The following WDR1 variants were observed in gnomAD, a reference collection of about 807,000 sequenced individuals.
WDR1 encodes WD repeat-containing protein 1.
WDR1 carries 21 observed loss-of-function variants against 71.9 expected under a neutral mutation model. That is an observed-to-expected ratio of 0.29 (90% confidence interval 0.21 to 0.42). WDR1 has a LOEUF of 0.42. Ranked by LOEUF, WDR1 falls within the 10% of genes least tolerant of loss-of-function variation. WDR1 has a pLI of 1.00. For missense variants in WDR1, 696 were observed against 824.5 expected, an observed-to-expected ratio of 0.84 and a Z score of 1.91; for synonymous variants, 424 against 347.4, an observed-to-expected ratio of 1.22 and a Z score of -2.45.
rs569488710 is a variant in WDR1, at chr4:10,095,379, C to G, written c.558+2332G>C. Among the ~76,000 whole-genome samples, 18 of 152,348 alleles carry G rather than the reference C, an allele frequency of 1.2e-4. No individual in the cohort carries two copies. The East Asian group carries it at 3.1e-3, about 26-fold the overall frequency. ...ATTAATTCCTGAGAACTTCCACATC[C>G]CAGGCTTTCCGACCACATCAGAAGA... On this transcript the variant is annotated intron_variant, in intron 5 of 14. Transcript: ENST00000499869.
At position 10,081,676 on chromosome 4, in the gene WDR1, AG is replaced by A. The variant is rs1258740889; in HGVS notation, c.1197-233del. On this transcript the variant is annotated intron_variant, in intron 10 of 14. Transcript: ENST00000499869. ...CCCGGGGAGGGGTGGGGGGGGGGGA[AG>A]GAGGGGCGGGAGGCGGTGAAAGGCG... 5.8e-4 allele frequency among the ~76,000 whole-genome samples: 6 copies of A among 10,322 alleles called. No homozygotes were observed. In the Admixed American group the frequency reaches 7.6e-3, roughly 13 times the overall value. 6.8% of individuals were successfully genotyped at this position (10,322 alleles called of 152,430 possible).
intron 2 of WDR1, among the ~76,000 whole-genome samples, chr4:10,114,456 T>C (rs1713584008): frequency 1.3e-5 from 2 of 152,166 alleles, no homozygotes; most frequent in African/African-American, 4.8e-5. Context: ...AAAGAGATGC[T>C]ACAGTTTAAG....
chr4:10,104,683 C>T (rs1419968849), intron 2 of WDR1, among the ~76,000 whole-genome samples: 3 of 152,196 alleles, frequency 2.0e-5, no homozygotes, highest in South Asian at 2.1e-4. Flanking sequence ...TACACACACA[C>T]GCAGGGCCTC....
chr4:10,090,424 G>A (rs1439118355), intron 5 of WDR1, among the ~76,000 whole-genome samples: 1 of 152,204 alleles, frequency 6.6e-6, no homozygotes, highest in Non-Finnish European at 1.5e-5. Context: ...AGAAGATACA[G>A]ACACCGTTCA....
chr4:10,094,426 G>A (rs979559815), intron 5 of WDR1, among the ~76,000 whole-genome samples: 1 of 152,174 alleles, frequency 6.6e-6, no homozygotes. Flanking sequence ...AAACTCAGTG[G>A]GGCCTTTAAA....
intron 8 of WDR1, among the ~76,000 whole-genome samples, chr4:10,086,118 T>G (rs1039884191): frequency 1.3e-5 from 2 of 152,168 alleles, no homozygotes; most frequent in Non-Finnish European, 2.9e-5. Context: ...CATGGGAAAC[T>G]GTTTTTCTGG....
At chr4:10,116,567 G>A (rs1713751095) in intron 1 of WDR1, 84 bp downstream of exon 1, 3 of 1,052,502 alleles carry the variant, frequency 2.9e-6, no homozygotes, top group Non-Finnish European at 3.5e-6. Context: ...GGACTCCCCC[G>A]CCACCCGCAC....
chr4:10,081,428 T>G lies in WDR1; in HGVS notation c.1213A>C (p.Lys405Gln). The change falls in exon 11 of 15, where the codon AAA becomes CAA. Residue 405 changes from lysine (K) to glutamine (Q), a missense_variant. Transcript: ENST00000499869. ...ACGCACTTTGGCTGAACGTCCAGTT[T>G]CACAACTCCTTGTCCGCTGTTAGAG... ...LRDYSGQGVV[K>Q]LDVQPKCVAV... 1 of 1,613,874 alleles carries G rather than the reference T, an allele frequency of 6.2e-7. No homozygotes were observed. Among genetic ancestry groups the G allele is most frequent in the Non-Finnish European group, 8.5e-7 (1 of 1,179,854 alleles).
At position 10,090,384 on chromosome 4, in the gene WDR1, G is replaced by A. The variant is rs74797241; in HGVS notation, c.559-1643C>T. On this transcript the variant is annotated intron_variant, in intron 5 of 14. Coordinates refer to ENST00000499869, the MANE Select transcript of WDR1 (RefSeq NM_017491.5). Reference sequence around the variant, plus strand: ...CCCAAGGGCCACACTCAAGGAAATCGATGTCCCCACAAAGTCCGTCAGAGT... The same window carrying A: ...CCCAAGGGCCACACTCAAGGAAATCAATGTCCCCACAAAGTCCGTCAGAGT... Among the ~76,000 whole-genome samples, 644 of 152,164 alleles carry A rather than the reference G, an allele frequency of 4.2e-3. 8 individuals are homozygous for A. The highest frequency in any genetic ancestry group is 0.014 in the African/African-American group (601 of 41,534).
At chr4:10,087,137 A>G (rs1711626783) in intron 8 of WDR1, among the ~76,000 whole-genome samples, 2 of 152,210 alleles carry the variant, frequency 1.3e-5, no homozygotes, top group Non-Finnish European at 2.9e-5. Context: ...CCTGGGACCC[A>G]TGGATGATTC....
chr4:10,111,712 C>A (rs1330096547), intron 2 of WDR1, among the ~76,000 whole-genome samples: 1 of 152,126 alleles, frequency 6.6e-6, no homozygotes, highest in Non-Finnish European at 1.5e-5. Flanking sequence ...TTACCCCCAA[C>A]CCGCAGGAAA....
At chr4:10,104,040 C>G in intron 2 of WDR1, 54 bp from the exon 3 acceptor site, 1 of 1,523,596 alleles carries the variant, frequency 6.6e-7, no homozygotes. Context: ...AGTCAAGCTT[C>G]CAGCTCTCCA....
At chr4:10,082,398 C>A (rs1765052677) in intron 10 of WDR1, among the ~76,000 whole-genome samples, 1 of 152,130 alleles carries the variant, frequency 6.6e-6, no homozygotes, top group Non-Finnish European at 1.5e-5. Flanking sequence ...GAGGAGGGGT[C>A]AGACCTGGGC....
chr4:10,116,234 T>C lies in WDR1; in HGVS notation c.17A>G (p.Lys6Arg), dbSNP rs2108812526. The change falls in exon 2 of 15, where the codon AAG becomes AGG. Residue 6 changes from lysine to arginine, a missense_variant and splice_region_variant. Transcript: ENST00000499869. MPYEI[K>R]KVFASLPQVE... ...CTGCGGGAGGCTGGCGAACACCTTC[T>C]CTGCGGAGACACAAATGCGGCGGGG... is the stretch of plus-strand genomic sequence containing the variant. 6.2e-7 allele frequency: 1 copy of C among 1,613,376 alleles called. No homozygotes were observed. Among genetic ancestry groups the C allele is most frequent in the East Asian group, 2.2e-5 (1 of 44,876 alleles).
At position 10,075,099 on chromosome 4, in the gene WDR1, C is replaced by T. The variant is rs984219672; in HGVS notation, c.*279G>A. The T allele has an allele frequency of 4.0e-5, 19 of 477,002 alleles. No homozygotes were observed. The highest frequency in any genetic ancestry group is 1.2e-4 in the African/African-American group (6 of 51,364). The allele number at this position is 477,002 out of a possible 1,614,324, so 29.5% of individuals were successfully genotyped here. A position where few individuals can be genotyped will look rare whatever the true frequency, so the allele number is the denominator to read the frequency against. Reference sequence around the variant, plus strand: ...GGAGGCTACTGCCTCTGGAATGTTTCGCATTCTCAAGGTTTGGTTGGGCTG... The same window carrying T: ...GGAGGCTACTGCCTCTGGAATGTTTTGCATTCTCAAGGTTTGGTTGGGCTG... On this transcript the variant is annotated 3_prime_UTR_variant, in exon 15 of 15. Coordinates refer to ENST00000499869, the MANE Select transcript of WDR1 (RefSeq NM_017491.5).
intron 5 of WDR1, among the ~76,000 whole-genome samples, chr4:10,094,300 G>A (rs1308797518): frequency 2.0e-5 from 3 of 152,218 alleles, no homozygotes; most frequent in African/African-American, 4.8e-5. Flanking sequence ...CAGAGGGGGC[G>A]TGTGGTCATC....
At position 10,075,238 on chromosome 4, in the gene WDR1, G is replaced by T; in HGVS notation, c.*140C>A. 1 of 680,340 alleles carries T rather than the reference G, an allele frequency of 1.5e-6. No individual in the cohort carries two copies. The highest frequency in any genetic ancestry group is 1.7e-5 in the South Asian group (1 of 57,698). The allele number at this position is 680,340 out of a possible 1,614,324, so 42.1% of individuals were successfully genotyped here. On this transcript the variant is annotated 3_prime_UTR_variant, in exon 15 of 15. Transcript: ENST00000499869. ...GTGTACAGACACCCTGCAGAGACGA[G>T]GGTCATGACTGGGCCCTCCTGCCTC...
chr4:10,082,472 C>T (rs993695646), intron 10 of WDR1, among the ~76,000 whole-genome samples: 2 of 152,182 alleles, frequency 1.3e-5, no homozygotes, highest in Non-Finnish European at 2.9e-5. Context: ...CAAGTCCCTC[C>T]AACTGCATTT....
Position 10,116,119 on chromosome 4 carries a change from G to A in WDR1, c.132C>T (p.Asn44=), listed in dbSNP as rs1415498280. The A allele has an allele frequency of 5.0e-6, 8 of 1,612,818 alleles. No homozygotes were observed. Among genetic ancestry groups the A allele is most frequent in the Admixed American group, 1.7e-5 (1 of 59,886 alleles). The change falls in exon 2 of 15, where the codon AAC becomes AAT. Residue 44 remains asparagine, a synonymous_variant. Transcript: ENST00000499869. ...CGGGGTAGGGGGTACTCACGTCGAT[G>A]TTCCTTAGGATGACGCACTTTCCAT... The part of the protein sequence containing the change: ...YTNGKCVILR[N]IDNPALADIY...
Sources: allele counts gnomAD v4.1 joint callset (sites outside exome capture counted in the v4.1 genomes callset), GRCh38; gene constraint gnomAD v4.1.1; transcripts MANE v1.5; gene names NCBI Gene and HGNC (gene_info 2026-07-23, HGNC 2026-07-21).